The following SKIC8 variants were observed in gnomAD, a reference collection of about 807,000 sequenced individuals.
The protein encoded by SKIC8 is SKI8 subunit of superkiller complex.
the SKIC8 span, chr15:78,295,976 G>A: frequency 2.8e-6 from 1 of 361,776 alleles, no homozygotes; most frequent in Non-Finnish European, 4.9e-6. Context: ...AAGTGTGACT[G>A]CAGAGAGCGA....
chr15:78,295,758 G>T, the SKIC8 span: 1 of 1,494,012 alleles, frequency 6.7e-7, no homozygotes, highest in Non-Finnish European at 9.0e-7. Flanking sequence ...TCAGTGAGGG[G>T]GTGTCATCAG....
the SKIC8 span, chr15:78,295,460 T>A: frequency 1.4e-6 from 1 of 696,288 alleles, no homozygotes; most frequent in Non-Finnish European, 2.6e-6. Flanking sequence ...CACTAAATTG[T>A]GGTAAAGACT....
chr15:78,292,849 A>G, the SKIC8 span: 1 of 1,588,580 alleles, frequency 6.3e-7, no homozygotes, highest in Non-Finnish European at 8.6e-7. Flanking sequence ...CTGGCATCTG[A>G]AATTCTGGGT....
chr15:78,289,506 G>C, the SKIC8 span: 3 of 772,518 alleles, frequency 3.9e-6, no homozygotes, highest in Non-Finnish European at 4.3e-6. Flanking sequence ...AATTGAGATT[G>C]ATATTTTGTA....
the SKIC8 span, chr15:78,283,656 G>T: frequency 1.6e-6 from 1 of 634,690 alleles, no homozygotes; most frequent in Non-Finnish European, 2.5e-6. Flanking sequence ...TTCTAAATCA[G>T]TGAGAATGGA....
chr15:78,294,723 ACCT>A, the SKIC8 span: 1 of 519,296 alleles, frequency 1.9e-6, no homozygotes, highest in Non-Finnish European at 3.3e-6. Context: ...GAATTCCCCA[ACCT>A]ATCATGATGA....
the SKIC8 span, among the ~76,000 whole-genome samples, chr15:78,298,559 ATTG>A: frequency 4.8e-3 from 735 of 152,300 alleles, 5 homozygotes; most frequent in African/African-American, 0.017. Context: ...TTTTATTATT[ATTG>A]TTGTTATTCT....
the SKIC8 span, chr15:78,289,864 A>G: frequency 6.4e-7 from 1 of 1,570,068 alleles, no homozygotes; most frequent in Non-Finnish European, 8.7e-7. Context: ...TGACCAGACC[A>G]AGACAGAATC....
the SKIC8 span, among the ~76,000 whole-genome samples, chr15:78,297,665 G>A: frequency 6.6e-6 from 1 of 152,128 alleles, no homozygotes; most frequent in East Asian, 1.9e-4. Flanking sequence ...ATTCACAGTG[G>A]AAGAAAATGC....
the SKIC8 span, chr15:78,285,611 G>C: frequency 1.9e-6 from 1 of 538,542 alleles, no homozygotes; most frequent in Non-Finnish European, 3.3e-6. Flanking sequence ...GCCTGTTAAA[G>C]CTTCAAAACC....
chr15:78,294,904 T>TC, the SKIC8 span: 1 of 1,613,312 alleles, frequency 6.2e-7, no homozygotes, highest in Non-Finnish European at 8.5e-7. Context: ...GACAACACAG[T>TC]TTTTTTCACA....
chr15:78,288,253 A>G, the SKIC8 span: 1 of 1,605,286 alleles, frequency 6.2e-7, no homozygotes, highest in South Asian at 1.1e-5. Context: ...CAAGATGGGC[A>G]TCAGTAGTAA....
the SKIC8 span, chr15:78,285,625 G>T: frequency 3.6e-5 from 19 of 524,676 alleles, no homozygotes; most frequent in Non-Finnish European, 6.2e-5. Context: ...CAAAACCAAG[G>T]CTCGCAGGAG....
the SKIC8 span, chr15:78,289,897 T>C: frequency 3.8e-6 from 6 of 1,594,352 alleles, no homozygotes; most frequent in Middle Eastern, 1.7e-4. Flanking sequence ...TGCAACAGGC[T>C]GGAAGGGTAA....
At chr15:78,285,006 G>A in the SKIC8 span, 1 of 456,686 alleles carries the variant, frequency 2.2e-6, no homozygotes, top group Non-Finnish European at 3.9e-6. Context: ...AAAGGCTGTG[G>A]GGCTAACACC....
chr15:78,290,162 T>G, the SKIC8 span: 1 of 1,516,720 alleles, frequency 6.6e-7, no homozygotes, highest in Admixed American at 2.3e-5. Context: ...TTTTAAAAAC[T>G]AAAGTTTTAC....
the SKIC8 span, chr15:78,285,703 C>T: frequency 2.3e-6 from 1 of 437,318 alleles, no homozygotes; most frequent in Non-Finnish European, 4.1e-6. Flanking sequence ...TTGGCCATCC[C>T]AGGCCTGACC....
chr15:78,288,821 A>G, the SKIC8 span: 3 of 381,060 alleles, frequency 7.9e-6, no homozygotes, highest in South Asian at 5.8e-5. Context: ...AGTACGCATA[A>G]TAAAGTCTCC....
chr15:78,285,520 A>T, the SKIC8 span: 43 of 607,446 alleles, frequency 7.1e-5, no homozygotes, highest in South Asian at 8.1e-4. Flanking sequence ...CATTTTCCTG[A>T]AATTGTGATC....
Sources: gnomAD v4.1 joint callset for allele counts (sites outside exome capture counted in the v4.1 genomes callset) on GRCh38, gnomAD v4.1.1 for gene constraint, MANE v1.5 for transcripts, NCBI Gene and HGNC (gene_info 2026-07-23, HGNC 2026-07-21) for gene names.